SLCO2A1: variants seen among roughly 807,000 people sequenced by gnomAD.
SLCO2A1 encodes matrin F/G 1.
SLCO2A1 carries 60 observed loss-of-function variants against 71.7 expected under a neutral mutation model. That is an observed-to-expected ratio of 0.84 (90% CI 0.68 to 1.04). The LOEUF is 1.04. Among genes scored for constraint, SLCO2A1 ranks in the 50% least tolerant of loss-of-function variants. The probability of loss-of-function intolerance (pLI) is 0.00; values close to 1 mark genes in which losing one functional copy is unlikely to be tolerated. For missense variants in SLCO2A1, 745 were observed against 813.4 expected (o/e 0.92, Z 1.02); for synonymous variants, 308 against 326.7 (o/e 0.94, Z 0.62).
chr3:134,001,710 T>C (rs1935106681), intron 1 of SLCO2A1, among the ~76,000 whole-genome samples: 1 of 151,998 alleles, frequency 6.6e-6, no homozygotes, highest in African/African-American at 2.4e-5. Flanking sequence ...CTACAGAAAA[T>C]ACCCAAATCC....
chr3:133,992,752 G>A (rs1934881401), intron 1 of SLCO2A1, among the ~76,000 whole-genome samples: 1 of 152,194 alleles, frequency 6.6e-6, no homozygotes, highest in Admixed American at 6.5e-5. Context: ...AGAGGTGTCT[G>A]TCCAGGGACA....
chr3:133,946,527 C>T (rs938833577), intron 9 of SLCO2A1, among the ~76,000 whole-genome samples: 2 of 152,156 alleles, frequency 1.3e-5, no homozygotes, highest in Non-Finnish European at 2.9e-5. Flanking sequence ...TGCCATCACT[C>T]TCATTATTCT....
chr3:133,993,811 A>G (rs1176140480), intron 1 of SLCO2A1, among the ~76,000 whole-genome samples: 2 of 152,198 alleles, frequency 1.3e-5, no homozygotes, highest in Non-Finnish European at 2.9e-5. Flanking sequence ...TGGAAACTTC[A>G]CTATTTTATA....
chr3:134,006,190 C>T (rs1935210967), intron 1 of SLCO2A1, among the ~76,000 whole-genome samples: 2 of 152,142 alleles, frequency 1.3e-5, no homozygotes, highest in South Asian at 2.1e-4. Context: ...CACATGCTAC[C>T]ATGCCTGGCT....
chr3:133,966,605 T>C (rs1258892948), intron 3 of SLCO2A1, among the ~76,000 whole-genome samples: 1 of 152,250 alleles, frequency 6.6e-6, no homozygotes, highest in Non-Finnish European at 1.5e-5. Context: ...GCTGTTTCCC[T>C]CTTTTAGATT....
At chr3:133,936,368 C>T (rs892288665) in intron 12 of SLCO2A1, among the ~76,000 whole-genome samples, 1 of 152,236 alleles carries the variant, frequency 6.6e-6, no homozygotes, top group Non-Finnish European at 1.5e-5. Flanking sequence ...ACTTGGAACC[C>T]TGGTTTATGG....
At chr3:133,982,371 C>T (rs1934615184) in intron 1 of SLCO2A1, among the ~76,000 whole-genome samples, 1 of 152,132 alleles carries the variant, frequency 6.6e-6, no homozygotes, top group South Asian at 2.1e-4. Context: ...TCCCATTTGC[C>T]ATAGGATGAT....
rs201775405 is a variant in SLCO2A1 at position 133,934,709 on chromosome 3, G to A, written c.*4C>T. On this transcript the variant is annotated 3_prime_UTR_variant, in exon 14 of 14. Transcript: ENST00000310926. ...CTGGAGCAGGGCAGTGGCCCAGGGT[G>A]GGGTCAGATGAGGCCTGCCGCCTTC... The A allele has an allele frequency of 4.5e-5, 73 of 1,606,442 alleles. No individual in the cohort carries two copies. The East Asian group carries it at 6.9e-4, about 15-fold the overall frequency.
At chr3:133,955,464 C>G in intron 3 of SLCO2A1, 1 of 481,894 alleles carries the variant, frequency 2.1e-6, no homozygotes, top group Non-Finnish European at 3.7e-6. Context: ...ATCTTCCTCT[C>G]GTGAGTGTCC....
At position 134,026,604 on chromosome 3, in the gene SLCO2A1, C is replaced by A. The variant is rs1013898987; in HGVS notation, c.96+3103G>T. Among the ~76,000 whole-genome samples the A allele has an allele frequency of 2.0e-5, 3 of 152,012 alleles. No individual in the cohort carries two copies. The East Asian group carries it at 5.8e-4, about 29-fold the overall frequency. On this transcript the variant is annotated intron_variant, in intron 1 of 13. Transcript: ENST00000310926. ...CAAGACGGCTTGTGAGGATACCAGACCCCCATTTACGTGATCAACTGAATC... is the reference window on the plus strand; with the variant it reads ...CAAGACGGCTTGTGAGGATACCAGAACCCCATTTACGTGATCAACTGAATC...
intron 1 of SLCO2A1, among the ~76,000 whole-genome samples, chr3:133,997,073 C>T (rs570730073): frequency 6.6e-6 from 1 of 152,266 alleles, no homozygotes; most frequent in African/African-American, 2.4e-5. Flanking sequence ...TGATCAAGAA[C>T]AAAGTACCAA....
At position 133,987,087 on chromosome 3, in the gene SLCO2A1, C is replaced by T. The variant is rs182374999; in HGVS notation, c.97-7469G>A. Among the ~76,000 whole-genome samples, 431 of 151,708 alleles carry T rather than the reference C, an allele frequency of 2.8e-3. 7 individuals carry two copies. Among genetic ancestry groups the T allele is most frequent in the African/African-American group, 0.01 (415 of 41,288 alleles). Reference sequence around the variant, plus strand: ...CCAGGGAAGGAAGACTAGAAAATTTCAACTGATGTCTTATGTCCATGTAAA... The same window carrying T: ...CCAGGGAAGGAAGACTAGAAAATTTTAACTGATGTCTTATGTCCATGTAAA... On this transcript the variant is annotated intron_variant, in intron 1 of 13. Transcript: ENST00000310926.
intron 1 of SLCO2A1, among the ~76,000 whole-genome samples, chr3:134,020,264 C>T (rs1935544864): frequency 1.3e-5 from 2 of 152,296 alleles, no homozygotes; most frequent in Middle Eastern, 3.4e-3. Context: ...TGCCGATGCC[C>T]CCAGCCAAAT....
At chr3:133,945,390 A>G in intron 9 of SLCO2A1, 130 bp from the exon 10 acceptor site, 1 of 889,682 alleles carries the variant, frequency 1.1e-6, no homozygotes, top group South Asian at 1.7e-5. Flanking sequence ...GGCCAGTGCC[A>G]CCCTGGGATC....
rs139142295 is a variant in SLCO2A1, at chr3:134,014,771, C to T, written c.96+14936G>A. Among the ~76,000 whole-genome samples, 191 of 152,214 alleles carry T rather than the reference C, an allele frequency of 1.3e-3. 2 individuals carry two copies. Among genetic ancestry groups the T allele is most frequent in the African/African-American group, 4.4e-3 (183 of 41,544 alleles). On this transcript the variant is annotated intron_variant, in intron 1 of 13. Transcript: ENST00000310926. ...CACGGGAAGAAGAAGAGTGAGATGA[C>T]CAGGTGGGAATCCCTGCTTTGCCAG...
chr3:133,995,351 C>T (rs1934943093), intron 1 of SLCO2A1, among the ~76,000 whole-genome samples: 1 of 152,220 alleles, frequency 6.6e-6, no homozygotes, highest in Admixed American at 6.5e-5. Flanking sequence ...AGCACCCCTA[C>T]TCCTCCCCCT....
intron 1 of SLCO2A1, among the ~76,000 whole-genome samples, chr3:133,981,352 C>T (rs568869270): frequency 5.3e-5 from 8 of 152,256 alleles, no homozygotes; most frequent in Non-Finnish European, 8.8e-5. Context: ...TGGCCTGGAC[C>T]AGGGAACAAT....
rs150077472 is a variant in SLCO2A1, at chr3:133,979,167, T to C, written c.234+314A>G. 1.9e-3 allele frequency among the ~76,000 whole-genome samples: 297 copies of C among 152,346 alleles called. 2 individuals are homozygous for C. The highest frequency in any genetic ancestry group is 6.8e-3 in the African/African-American group (281 of 41,578). ...CTGCATACCTGGAGCAAGCCACTTG[T>C]ACTCCTGAGCCTCAGCATCCTTATC... On this transcript the variant is annotated intron_variant, in intron 2 of 13. Transcript: ENST00000310926.
chr3:133,954,931 C>A, intron 4 of SLCO2A1, 35 bp downstream of exon 4: 2 of 1,566,856 alleles, frequency 1.3e-6, no homozygotes, highest in Non-Finnish European at 1.8e-6. Flanking sequence ...AGGACCTCAC[C>A]CCTCCCCAAA....
Sources: gnomAD v4.1 joint callset for allele counts (sites outside exome capture counted in the v4.1 genomes callset) on GRCh38, gnomAD v4.1.1 for gene constraint, MANE v1.5 for transcripts, NCBI Gene and HGNC (gene_info 2026-07-23, HGNC 2026-07-21) for gene names.